The following DDX10 variants were observed in gnomAD, a reference collection of about 807,000 sequenced individuals.
DDX10 encodes DEAD-box helicase 10.
DDX10 carries 74 observed loss-of-function variants against 104.3 expected under a neutral mutation model. The ratio of observed to expected loss-of-function variants is 0.71; its 90% confidence interval spans 0.59 to 0.86. The LOEUF (loss-of-function observed/expected upper bound fraction) is 0.86. Ranked by LOEUF, DDX10 falls within the 40% of genes least tolerant of loss-of-function variation. The probability of loss-of-function intolerance (pLI) is 0.00; values close to 1 mark genes in which losing one functional copy is unlikely to be tolerated. For missense variants in DDX10, 952 were observed against 1,040.0 expected (o/e 0.92, Z 1.16); for synonymous variants, 351 against 353.4 (o/e 0.99, Z 0.08).
At chr11:108,922,743 T>G (rs1448209443) in intron 17 of DDX10, among the ~76,000 whole-genome samples, 1 of 152,260 alleles carries the variant, frequency 6.6e-6, no homozygotes, top group South Asian at 2.1e-4. Flanking sequence ...TTAGTTAGCA[T>G]GACTAAAAGA....
intron 17 of DDX10, 94 bp downstream of exon 17, chr11:108,918,112 A>G (rs900110532): frequency 1.5e-6 from 2 of 1,298,112 alleles, no homozygotes; most frequent in African/African-American, 1.5e-5. Context: ...TTCTACTCCA[A>G]GAGATGTTTG....
chr11:108,855,246 G>A (rs1862849673), intron 16 of DDX10, among the ~76,000 whole-genome samples: 2 of 152,096 alleles, frequency 1.3e-5, no homozygotes, highest in African/African-American at 4.8e-5. Context: ...TTGAGTTCAG[G>A]TAGGTTACAT....
intron 13 of DDX10, among the ~76,000 whole-genome samples, chr11:108,829,158 T>C (rs921944032): frequency 2.0e-5 from 3 of 152,252 alleles, no homozygotes; most frequent in African/African-American, 2.4e-5. Context: ...TACTTTTAAT[T>C]CTTTAAGGAA....
intron 13 of DDX10, among the ~76,000 whole-genome samples, chr11:108,761,757 G>A (rs894185639): frequency 2.6e-5 from 4 of 152,130 alleles, no homozygotes; most frequent in Non-Finnish European, 5.9e-5. Flanking sequence ...TGGGTCACCA[G>A]AGAAAGTATC....
At chr11:108,889,517 C>CT (rs1179711380) in intron 16 of DDX10, among the ~76,000 whole-genome samples, 1 of 151,830 alleles carries the variant, frequency 6.6e-6, no homozygotes, top group Non-Finnish European at 1.5e-5. Flanking sequence ...CAAATGTTAA[C>CT]TTTTTTTTGC....
intron 6 of DDX10, among the ~76,000 whole-genome samples, chr11:108,686,003 G>T (rs1309072584): frequency 6.6e-6 from 1 of 151,878 alleles, no homozygotes; most frequent in African/African-American, 2.4e-5. Flanking sequence ...TATATATTTG[G>T]GCTTATTGTT....
chr11:108,675,081 A>G (rs10890879), intron 2 of DDX10, among the ~76,000 whole-genome samples: 79,573 of 149,280 alleles, frequency 0.53, 21,942 homozygotes, highest in Non-Finnish European at 0.61. Context: ...GCTGAGTCAT[A>G]TTCCATTTGT....
chr11:108,831,600 A>C (rs1862472405), intron 13 of DDX10, among the ~76,000 whole-genome samples: 1 of 152,058 alleles, frequency 6.6e-6, no homozygotes. Flanking sequence ...AATGGGAGCT[A>C]CTTTAAGGAA....
chr11:108,847,017 T>G (rs1862728843), intron 15 of DDX10, among the ~76,000 whole-genome samples: 1 of 152,240 alleles, frequency 6.6e-6, no homozygotes, highest in African/African-American at 2.4e-5. Context: ...AGCACCGCTT[T>G]CTTATGAGAC....
intron 10 of DDX10, among the ~76,000 whole-genome samples, chr11:108,707,452 T>A (rs370134102): frequency 6.6e-6 from 1 of 152,354 alleles, no homozygotes; most frequent in East Asian, 1.9e-4. Flanking sequence ...TCATAGTACA[T>A]TTCCTTTTAG....
In DDX10 at chr11:108,667,759, A is replaced by G. The variant is rs1591785481; in HGVS notation, c.186+2420A>G. ...TGAGCATACCCATCTGCCCACTCTA[A>G]GGAAAGGTACTCTTCCTTCAAGATT... On this transcript the variant is annotated intron_variant, in intron 1 of 17. Transcript: ENST00000322536. Among the ~76,000 whole-genome samples, 7 of 152,348 alleles carry G rather than the reference A, an allele frequency of 4.6e-5. 1 individual carries two copies. The South Asian group carries it at 1.4e-3, about 32-fold the overall frequency.
At chr11:108,713,168 C>T (rs1482376163) in intron 10 of DDX10, among the ~76,000 whole-genome samples, 2 of 152,254 alleles carry the variant, frequency 1.3e-5, no homozygotes, top group South Asian at 4.1e-4. Flanking sequence ...GTCTCTCCCT[C>T]TCGCTTGGGC....
chr11:108,864,876 T>G (rs1862988902), intron 16 of DDX10, among the ~76,000 whole-genome samples: 1 of 152,176 alleles, frequency 6.6e-6, no homozygotes, highest in African/African-American at 2.4e-5. Flanking sequence ...CCCAGTCTCT[T>G]AAATTAGTTA....
intron 3 of DDX10, among the ~76,000 whole-genome samples, chr11:108,676,187 T>C (rs933944613): frequency 6.6e-6 from 1 of 152,254 alleles, no homozygotes; most frequent in Non-Finnish European, 1.5e-5. Flanking sequence ...GGGACATTGC[T>C]ATCGGTCTTT....
intron 10 of DDX10, among the ~76,000 whole-genome samples, chr11:108,710,228 G>A (rs1437633110): frequency 6.6e-6 from 1 of 152,202 alleles, no homozygotes; most frequent in Non-Finnish European, 1.5e-5. Context: ...GTATACAAGT[G>A]TAGACTTGGT....
At chr11:108,827,398 CTCAAGAAAT>C (rs1413008029) in intron 13 of DDX10, among the ~76,000 whole-genome samples, 2 of 152,116 alleles carry the variant, frequency 1.3e-5, no homozygotes, top group Admixed American at 6.5e-5. Context: ...TAGCCATTGA[CTCAAGAAAT>C]TACAGTAACA....
chr11:108,906,624 T>C (rs1407960755), intron 16 of DDX10, among the ~76,000 whole-genome samples: 1 of 152,240 alleles, frequency 6.6e-6, no homozygotes, highest in East Asian at 1.9e-4. Flanking sequence ...TTAGAGTGTT[T>C]ATTATTGTAA....
At chr11:108,888,088 C>G (rs2553766) in intron 16 of DDX10, among the ~76,000 whole-genome samples, 22,693 of 151,756 alleles carry the variant, frequency 0.15, 2,100 homozygotes, top group East Asian at 0.27. Flanking sequence ...TTAGATGATT[C>G]ATGGATTTTA....
chr11:108,759,710 C>T (rs147110332), intron 13 of DDX10, among the ~76,000 whole-genome samples: 35 of 151,988 alleles, frequency 2.3e-4, no homozygotes, highest in Non-Finnish European at 4.9e-4. Context: ...CTCATAGCCC[C>T]GCATCACTTT....
Sources: allele counts gnomAD v4.1 joint callset (sites outside exome capture counted in the v4.1 genomes callset), GRCh38; gene constraint gnomAD v4.1.1; transcripts MANE v1.5; gene names NCBI Gene and HGNC (gene_info 2026-07-23, HGNC 2026-07-21).